CDH18: variants seen among roughly 807,000 people sequenced by gnomAD.
The protein encoded by CDH18 is cadherin-18.
CDH18 carries 31 observed loss-of-function variants against 67.9 expected under a neutral mutation model. The observed-to-expected ratio is 0.46, with a 90% CI of 0.34 to 0.62. The LOEUF is 0.62. Among genes scored for constraint, CDH18 ranks in the 20% least tolerant of loss-of-function variants. CDH18 has a pLI of 0.01. For missense variants in CDH18, 890 were observed against 975.5 expected (o/e 0.91, Z 1.17); for synonymous variants, 362 against 347.2 (o/e 1.04, Z -0.48).
chr5:19,684,274 T>C (rs1032356218), intron 5 of CDH18, among the ~76,000 whole-genome samples: 3 of 151,876 alleles, frequency 2.0e-5, no homozygotes, highest in Non-Finnish European at 4.4e-5. Context: ...ATCCTATAAA[T>C]ATATGATCTT....
At chr5:19,824,566 A>G (rs1463983201) in intron 3 of CDH18, among the ~76,000 whole-genome samples, 1 of 152,180 alleles carries the variant, frequency 6.6e-6, no homozygotes, top group African/African-American at 2.4e-5. Flanking sequence ...GAGTTCAACA[A>G]AACTTTTACA....
chr5:19,990,668 G>A (rs1402614064), upstream of CDH18, among the ~76,000 whole-genome samples: 2 of 152,168 alleles, frequency 1.3e-5, no homozygotes, highest in African/African-American at 4.8e-5. Context: ...GGCTTCTGGA[G>A]TTTGACATTC....
intron 2 of CDH18, among the ~76,000 whole-genome samples, chr5:20,189,464 C>A (rs960260766): frequency 6.6e-6 from 1 of 152,104 alleles, no homozygotes; most frequent in Non-Finnish European, 1.5e-5. Flanking sequence ...TGCCACTCAT[C>A]ACTCTAAGTG....
At chr5:20,427,114 T>G (rs900134580) in intron 1 of CDH18, among the ~76,000 whole-genome samples, 1 of 151,208 alleles carries the variant, frequency 6.6e-6, no homozygotes, top group Non-Finnish European at 1.5e-5. Flanking sequence ...TTAAATATTT[T>G]TATTTGATAT....
intron 1 of CDH18, among the ~76,000 whole-genome samples, chr5:20,485,631 A>G (rs947103637): frequency 2.0e-5 from 3 of 151,626 alleles, no homozygotes; most frequent in Non-Finnish European, 4.4e-5. Flanking sequence ...CAATTCTTCC[A>G]TCAAAATCTA....
intron 5 of CDH18, among the ~76,000 whole-genome samples, chr5:19,662,977 C>T (rs952121408): frequency 1.3e-5 from 2 of 151,878 alleles, no homozygotes; most frequent in Non-Finnish European, 2.9e-5. Context: ...ATAAATATGC[C>T]CGCTTAAAGT....
rs77684466 is a variant in CDH18 at position 20,414,258 on chromosome 5, G to A, written c.-579-158753C>T. Among the ~76,000 whole-genome samples, 482 of 151,594 alleles carry A rather than the reference G, an allele frequency of 3.2e-3. 2 individuals are homozygous for A. Among genetic ancestry groups the A allele is most frequent in the Admixed American group, 5.0e-3 (76 of 15,180 alleles). The stretch of plus-strand genomic sequence containing the variant: ...GTTTATCGTAGCACTATTCACAATA[G>A]TAAGTCTTGGAATCACCCCAGGTGC... On this transcript the variant is annotated intron_variant, in intron 1 of 14. Transcript: ENST00000507958.
chr5:19,584,958 G>A (rs1367980601), intron 7 of CDH18, among the ~76,000 whole-genome samples: 6 of 150,550 alleles, frequency 4.0e-5, no homozygotes, highest in African/African-American at 1.2e-4. Flanking sequence ...TCGCACCACT[G>A]CACTCCAGCC....
At chr5:20,183,440 T>C (rs1478204220) in intron 2 of CDH18, among the ~76,000 whole-genome samples, 4 of 152,058 alleles carry the variant, frequency 2.6e-5, no homozygotes, top group African/African-American at 9.7e-5. Context: ...CATTTATATG[T>C]ATATTTTCTC....
intron 2 of CDH18, among the ~76,000 whole-genome samples, chr5:20,251,397 A>ATGAT (rs1440332104): frequency 5.9e-5 from 9 of 152,224 alleles, no homozygotes; most frequent in Admixed American, 3.3e-4. Context: ...CTGTAATAAC[A>ATGAT]TGATTGATTG....
chr5:19,932,748 T>C (rs1321462141), intron 2 of CDH18, among the ~76,000 whole-genome samples: 2 of 151,650 alleles, frequency 1.3e-5, no homozygotes, highest in African/African-American at 4.8e-5. Flanking sequence ...TTTTTCTTCA[T>C]CCCATGCCTA....
chr5:19,793,103 C>T (rs1434528772), intron 3 of CDH18, among the ~76,000 whole-genome samples: 1 of 152,044 alleles, frequency 6.6e-6, no homozygotes, highest in African/African-American at 2.4e-5. Flanking sequence ...TCTACTATGA[C>T]AGAAAACCCT....
At chr5:19,897,492 A>G (rs1359486472) in intron 2 of CDH18, among the ~76,000 whole-genome samples, 1 of 152,164 alleles carries the variant, frequency 6.6e-6, no homozygotes, top group Non-Finnish European at 1.5e-5. Flanking sequence ...AAGTTGGTGT[A>G]TGCAATATGA....
intron 2 of CDH18, among the ~76,000 whole-genome samples, chr5:19,971,962 T>C (rs1798071427): frequency 1.3e-5 from 2 of 152,022 alleles, no homozygotes; most frequent in Admixed American, 6.6e-5. Flanking sequence ...AAGAACTACA[T>C]ATAAAGGGAA....
At chr5:20,174,784 T>C (rs987067945) in intron 2 of CDH18, among the ~76,000 whole-genome samples, 1 of 152,118 alleles carries the variant, frequency 6.6e-6, no homozygotes, top group African/African-American at 2.4e-5. Context: ...AAAACATGCA[T>C]GGATGTTTGC....
chr5:19,593,167 T>C (rs1427628827), intron 6 of CDH18, among the ~76,000 whole-genome samples: 1 of 152,178 alleles, frequency 6.6e-6, no homozygotes, highest in Non-Finnish European at 1.5e-5. Context: ...ATTTCGATTT[T>C]TTAAATAAAT....
intron 1 of CDH18, among the ~76,000 whole-genome samples, chr5:20,301,694 C>T (rs1204915100): frequency 6.6e-6 from 1 of 151,994 alleles, no homozygotes; most frequent in South Asian, 2.1e-4. Flanking sequence ...TGAAAAGGCT[C>T]TCAGTGAAAA....
chr5:20,386,331 T>C (rs769886715), intron 1 of CDH18, among the ~76,000 whole-genome samples: 5 of 152,190 alleles, frequency 3.3e-5, no homozygotes, highest in Admixed American at 6.5e-5. Context: ...TCTCTCCAAA[T>C]TAGAGACTCT....
intron 5 of CDH18, 31 bp from the exon 6 acceptor site, chr5:19,612,632 G>A (rs537625342): frequency 2.0e-6 from 3 of 1,498,184 alleles, no homozygotes; most frequent in Admixed American, 1.7e-5. Flanking sequence ...TAAACAGTAT[G>A]AGCTATATAA....
Sources: gnomAD v4.1 joint callset for allele counts (sites outside exome capture counted in the v4.1 genomes callset) on GRCh38, gnomAD v4.1.1 for gene constraint, MANE v1.5 for transcripts, NCBI Gene and HGNC (gene_info 2026-07-23, HGNC 2026-07-21) for gene names.